TRIM9: variants seen among roughly 807,000 people sequenced by gnomAD.
The protein encoded by TRIM9 is tripartite motif containing 9.
A neutral mutation model predicts 78.3 loss-of-function variants in TRIM9; 26 were observed. The ratio of observed to expected loss-of-function variants is 0.33; its 90% confidence interval spans 0.24 to 0.46. The LOEUF (loss-of-function observed/expected upper bound fraction) is 0.46, where lower values mean the gene tolerates loss of function less well. TRIM9 is among the 20% of genes least tolerant of loss of function. TRIM9 has a pLI of 1.00. For missense variants in TRIM9, 787 were observed against 1,036.4 expected (o/e 0.76, Z 3.30); for synonymous variants, 398 against 416.5 (o/e 0.96, Z 0.54).
intron 1 of TRIM9, among the ~76,000 whole-genome samples, chr14:51,086,996 C>A (rs1434993174): frequency 6.6e-6 from 1 of 151,992 alleles, no homozygotes; most frequent in East Asian, 1.9e-4. Context: ...AAAAAAGTGT[C>A]TGCAATTAAA....
intron 1 of TRIM9, among the ~76,000 whole-genome samples, chr14:51,071,722 C>A (rs1012376737): frequency 1.4e-4 from 21 of 152,184 alleles, no homozygotes; most frequent in African/African-American, 5.1e-4. Flanking sequence ...GGGAGGATTG[C>A]TTGAGAGTGG....
intron 3 of TRIM9, among the ~76,000 whole-genome samples, chr14:51,017,326 A>G (rs749444068): frequency 1.9e-4 from 29 of 152,210 alleles, no homozygotes; most frequent in Non-Finnish European, 3.8e-4. Flanking sequence ...TTGCGGTTTT[A>G]ATCGAGAAAA....
intron 1 of TRIM9, among the ~76,000 whole-genome samples, chr14:51,048,711 G>A (rs1307159657): frequency 6.6e-6 from 1 of 152,056 alleles, no homozygotes; most frequent in African/African-American, 2.4e-5. Flanking sequence ...GGGGCCGGGC[G>A]CAGTGGCTCA....
chr14:50,996,028 T>C, intron 7 of TRIM9: 1 of 914,944 alleles, frequency 1.1e-6, no homozygotes, highest in African/African-American at 1.8e-5. Context: ...ACTGAATGTA[T>C]TAGAATGAGG....
intron 1 of TRIM9, among the ~76,000 whole-genome samples, chr14:51,087,845 T>G (rs962048241): frequency 2.0e-5 from 3 of 152,224 alleles, no homozygotes; most frequent in African/African-American, 7.2e-5. Context: ...CACAGATTAA[T>G]GAAAAACTCA....
intron 7 of TRIM9, chr14:50,996,733 T>C: frequency 3.0e-6 from 3 of 985,448 alleles, no homozygotes; most frequent in Non-Finnish European, 3.6e-6. Flanking sequence ...AGGTCATCCC[T>C]GAGAGAAGGT....
At chr14:51,008,203 TCCCGATGCA>T (rs2056089249) in intron 5 of TRIM9, among the ~76,000 whole-genome samples, 2 of 152,126 alleles carry the variant, frequency 1.3e-5, no homozygotes, top group Admixed American at 1.3e-4. Context: ...TCATTCTGTA[TCCCGATGCA>T]GTGGTGATTA....
rs761842603 is a variant in TRIM9 at position 51,094,905 on chromosome 14, A to C, written c.35T>G (p.Val12Gly). Reference protein sequence around the residue: ...EEMEEELKCPVCGSFYREPII... With the variant: ...EEMEEELKCPGCGSFYREPII... The stretch of plus-strand genomic sequence containing the variant: ...GGGCTCCCGATAGAAGGAGCCGCAC[A>C]CGGGGCATTTCAACTCCTCTTCCAT... The change falls in exon 1 of 13, where the codon GTG (valine) becomes GGG (glycine). Residue 12 changes from valine to glycine, a missense_variant. Physicochemically the swap from Val to Gly is moderately radical, Grantham distance 109. Around this residue, in one of 3 missense-constraint regions of TRIM9, gnomAD observed 352 missense variants for 472.3 expected, o/e 0.75. Transcript: ENST00000684578. The C allele has an allele frequency of 2.0e-6, 3 of 1,507,382 alleles. No individual in the cohort carries two copies. The highest frequency in any genetic ancestry group is 2.7e-6 in the Non-Finnish European group (3 of 1,129,444). 93.4% of individuals were successfully genotyped at this position (1,507,382 alleles called of 1,614,324 possible). A position where few individuals can be genotyped will look rare whatever the true frequency, so the allele number is the denominator to read the frequency against.
chr14:51,045,205 C>T (rs1281092187), intron 1 of TRIM9, among the ~76,000 whole-genome samples: 4 of 152,336 alleles, frequency 2.6e-5, no homozygotes, highest in African/African-American at 9.6e-5. Context: ...CCCCTGTGAG[C>T]ATCATGTCTG....
chr14:51,010,238 T>TA (rs1377278131), intron 4 of TRIM9, 146 bp downstream of exon 4: 13 of 557,098 alleles, frequency 2.3e-5, no homozygotes, highest in Admixed American at 3.4e-5. Context: ...AGCCGGCACT[T>TA]ACTTCCATGT....
chr14:50,982,204 A>G, intron 10 of TRIM9, 101 bp from the exon 11 acceptor site: 16 of 1,403,322 alleles, frequency 1.1e-5, no homozygotes, highest in Non-Finnish European at 1.6e-5. Flanking sequence ...TAGCGTTTTC[A>G]TGCTGCCATG....
intron 7 of TRIM9, among the ~76,000 whole-genome samples, chr14:50,992,158 T>C (rs2053595302): frequency 6.6e-6 from 1 of 152,222 alleles, no homozygotes; most frequent in African/African-American, 2.4e-5. Context: ...AGGGATTAGA[T>C]GGGCTGAGGT....
intron 3 of TRIM9, among the ~76,000 whole-genome samples, chr14:51,012,686 G>A (rs1566577442): frequency 6.6e-6 from 1 of 152,148 alleles, no homozygotes; most frequent in Non-Finnish European, 1.5e-5. Flanking sequence ...CAATGCACAA[G>A]GGTTCCAATT....
chr14:51,075,269 C>T (rs947795676), intron 1 of TRIM9, among the ~76,000 whole-genome samples: 27 of 152,152 alleles, frequency 1.8e-4, no homozygotes, highest in African/African-American at 6.3e-4. Context: ...TTGATGGAGC[C>T]CCACTCCCAC....
chr14:50,999,557 G>A (rs866096970), intron 6 of TRIM9, among the ~76,000 whole-genome samples: 1 of 152,224 alleles, frequency 6.6e-6, no homozygotes, highest in African/African-American at 2.4e-5. Context: ...CTGCTCTCAA[G>A]TACTTAAACC....
intron 1 of TRIM9, among the ~76,000 whole-genome samples, chr14:51,075,641 A>T (rs1295999175): frequency 6.6e-6 from 1 of 152,164 alleles, no homozygotes; most frequent in African/African-American, 2.4e-5. Context: ...GTTATGGGCT[A>T]AATTGTTTGC....
intron 5 of TRIM9, among the ~76,000 whole-genome samples, chr14:51,007,043 G>T (rs2055900723): frequency 6.6e-6 from 1 of 152,142 alleles, no homozygotes; most frequent in Non-Finnish European, 1.5e-5. Flanking sequence ...TGACTCAGGA[G>T]GGCAATGAAT....
chr14:51,018,346 C>G (rs1038286449), intron 3 of TRIM9, among the ~76,000 whole-genome samples: 8 of 151,620 alleles, frequency 5.3e-5, no homozygotes, highest in African/African-American at 1.9e-4. Flanking sequence ...TTCCTTCTTT[C>G]TATCCTTCCT....
chr14:51,032,193 G>A (rs2058788407), intron 1 of TRIM9, among the ~76,000 whole-genome samples: 1 of 152,140 alleles, frequency 6.6e-6, no homozygotes, highest in South Asian at 2.1e-4. Context: ...TAGGAATTGG[G>A]CCAGACAGAG....
Sources: allele counts gnomAD v4.1 joint callset (sites outside exome capture counted in the v4.1 genomes callset), GRCh38; gene constraint gnomAD v4.1.1; regional missense constraint gnomAD v4.1.1; transcripts MANE v1.5; gene names NCBI Gene and HGNC (gene_info 2026-07-23, HGNC 2026-07-21).